Variants in SPAG16 observed in about 807,000 individuals in gnomAD.
SPAG16 encodes the protein sperm associated antigen 16.
Under a neutral mutation model 80.4 loss-of-function variants are expected in SPAG16, and 86 were observed. The observed-to-expected ratio is 1.07, with a 90% CI of 0.90 to 1.28. The LOEUF (loss-of-function observed/expected upper bound fraction) is 1.28. Ranked by LOEUF, SPAG16 falls within the 50% of genes most tolerant of loss-of-function variation. The probability of loss-of-function intolerance (pLI) is 0.00; values close to 1 mark genes in which losing one functional copy is unlikely to be tolerated. For synonymous variants in SPAG16, 294 were observed against 265.9 expected (o/e 1.11, Z -1.03); for missense variants, 870 against 765.3 (o/e 1.14, Z -1.61).
At chr2:213,621,935 T>C (rs923633698) in intron 10 of SPAG16, among the ~76,000 whole-genome samples, 2 of 152,176 alleles carry the variant, frequency 1.3e-5, no homozygotes, top group African/African-American at 4.8e-5. Flanking sequence ...TCTCTTATTA[T>C]TTATCACTTC....
At chr2:214,169,639 G>C (rs1487009558) in intron 15 of SPAG16, among the ~76,000 whole-genome samples, 1 of 151,922 alleles carries the variant, frequency 6.6e-6, no homozygotes, top group Non-Finnish European at 1.5e-5. Flanking sequence ...CAGAGAGTAT[G>C]GTAATACATA....
chr2:213,416,208 A>G (rs972718390), intron 9 of SPAG16, among the ~76,000 whole-genome samples: 4 of 152,200 alleles, frequency 2.6e-5, no homozygotes, highest in Admixed American at 6.5e-5. Context: ...AATAGATCAT[A>G]CTTCCAAAGT....
chr2:214,164,924 A>G (rs907192183), intron 15 of SPAG16, among the ~76,000 whole-genome samples: 1 of 152,100 alleles, frequency 6.6e-6, no homozygotes, highest in African/African-American at 2.4e-5. Flanking sequence ...GTAATGAAAA[A>G]TTTTGTAAAC....
At chr2:213,384,960 C>T (rs61263594) in intron 9 of SPAG16, among the ~76,000 whole-genome samples, 8,161 of 152,210 alleles carry the variant, frequency 0.054, 704 homozygotes, top group African/African-American at 0.18. Flanking sequence ...TTGACATTTA[C>T]GTGCTTCTGG....
intron 3 of SPAG16, among the ~76,000 whole-genome samples, chr2:213,300,560 A>G (rs2062698264): frequency 6.6e-6 from 1 of 152,196 alleles, no homozygotes; most frequent in Non-Finnish European, 1.5e-5. Context: ...GCAGAAAAAA[A>G]TATGGGGATC....
chr2:213,980,712 G>GTGTGTATATATATATATATA (rs1469351640), intron 12 of SPAG16, among the ~76,000 whole-genome samples: 8 of 114,000 alleles, frequency 7.0e-5, no homozygotes, highest in African/African-American at 2.3e-4. Flanking sequence ...GTGTGTGTGT[G>GTGTGTATATATATATATATA]TATATATATA....
rs1216447530 is a variant in SPAG16 at position 213,589,505 on chromosome 2, G to A, written c.1070+99415G>A. Among the ~76,000 whole-genome samples, 11 of 152,234 alleles carry A rather than the reference G, an allele frequency of 7.2e-5. No homozygotes were observed. In the South Asian group the frequency reaches 1.9e-3, roughly 26 times the overall value. On this transcript the variant is annotated intron_variant, in intron 10 of 15. Transcript: ENST00000331683. ...TTTATAATACAAATTGGAGCAGATG[G>A]GACTGTGAGAGTGGCTCTGACTGTG...
chr2:213,292,682 A>ACACCAAC (rs368366898), intron 1 of SPAG16, among the ~76,000 whole-genome samples: 1 of 134,276 alleles, frequency 7.4e-6, no homozygotes. Context: ...AAAACAAAAA[A>ACACCAAC]AACAAAAAAA....
intron 15 of SPAG16, among the ~76,000 whole-genome samples, chr2:214,158,073 A>G (rs2056291118): frequency 6.6e-6 from 1 of 152,066 alleles, no homozygotes; most frequent in Admixed American, 6.6e-5. Context: ...GTGATTTGTA[A>G]TATGAAATTG....
intron 10 of SPAG16, among the ~76,000 whole-genome samples, chr2:213,836,857 C>G (rs1966560): frequency 0.36 from 55,138 of 151,762 alleles, 10,364 homozygotes; most frequent in East Asian, 0.53. Context: ...CAGGTGATCC[C>G]CCGGTCTCAG....
rs1030957651 is a variant in SPAG16 at position 213,846,693 on chromosome 2, A to G, written c.1071-15792A>G. Among the ~76,000 whole-genome samples the G allele has an allele frequency of 4.1e-4, 62 of 152,208 alleles. 1 individual carries two copies. Among genetic ancestry groups the G allele is most frequent in the African/African-American group, 1.4e-3 (60 of 41,552 alleles). ...TATAATTTCATATTCCATGTAATAT[A>G]TGTCTTTTAATTTAAATTTAATTTC... On this transcript the variant is annotated intron_variant, in intron 10 of 15. Transcript: ENST00000331683.
intron 15 of SPAG16, among the ~76,000 whole-genome samples, chr2:214,188,789 A>C (rs189462960): frequency 6.6e-6 from 1 of 152,222 alleles, no homozygotes; most frequent in East Asian, 1.9e-4. Context: ...AATTACTTCC[A>C]CACTTCTTAA....
At chr2:214,215,441 T>C (rs984662219) in intron 15 of SPAG16, among the ~76,000 whole-genome samples, 2 of 152,208 alleles carry the variant, frequency 1.3e-5, no homozygotes, top group Admixed American at 1.3e-4. Flanking sequence ...TTTCTTGCTT[T>C]GTTTACTCCT....
At chr2:214,029,925 A>G (rs776938217) in intron 13 of SPAG16, among the ~76,000 whole-genome samples, 11 of 152,140 alleles carry the variant, frequency 7.2e-5, no homozygotes, top group South Asian at 2.1e-4. Flanking sequence ...CACCACAATC[A>G]AGGTAATAAA....
intron 11 of SPAG16, among the ~76,000 whole-genome samples, chr2:213,920,074 G>T (rs1209947809): frequency 6.6e-6 from 1 of 152,070 alleles, no homozygotes; most frequent in Non-Finnish European, 1.5e-5. Flanking sequence ...TCTGTTTAAA[G>T]TCTATTTTGT....
chr2:213,836,201 G>A (rs1412461350), intron 10 of SPAG16, among the ~76,000 whole-genome samples: 2 of 136,450 alleles, frequency 1.5e-5, no homozygotes, highest in Admixed American at 1.6e-4. Flanking sequence ...TCCTATGTCT[G>A]AGAGAATAAA....
At chr2:213,357,492 T>A (rs1343370072) in intron 7 of SPAG16, among the ~76,000 whole-genome samples, 1 of 152,232 alleles carries the variant, frequency 6.6e-6, no homozygotes, top group Non-Finnish European at 1.5e-5. Flanking sequence ...GTTGAATTGA[T>A]CCCTTTACCA....
chr2:213,451,292 G>A (rs539484850), intron 9 of SPAG16, among the ~76,000 whole-genome samples: 34 of 152,108 alleles, frequency 2.2e-4, no homozygotes, highest in Admixed American at 4.6e-4. Context: ...AAACAAGTAC[G>A]TTATCCTCTT....
At chr2:213,560,715 T>C (rs537318936) in intron 10 of SPAG16, among the ~76,000 whole-genome samples, 1 of 152,208 alleles carries the variant, frequency 6.6e-6, no homozygotes, top group Non-Finnish European at 1.5e-5. Flanking sequence ...TAAGAATTAC[T>C]TTTCTTTCCT....
Sources: gnomAD v4.1 joint callset for allele counts (sites outside exome capture counted in the v4.1 genomes callset) on GRCh38, gnomAD v4.1.1 for gene constraint, MANE v1.5 for transcripts, NCBI Gene and HGNC (gene_info 2026-07-23, HGNC 2026-07-21) for gene names.